L3MBTL3: variants seen among roughly 807,000 people sequenced by gnomAD.
L3MBTL3 encodes the protein lethal(3)malignant brain tumor-like protein 3.
In L3MBTL3, 27 loss-of-function variants were observed where a neutral mutation model predicts 102.3. The ratio of observed to expected loss-of-function variants is 0.26; its 90% CI spans 0.19 to 0.36. The LOEUF (loss-of-function observed/expected upper bound fraction) is 0.36, where lower values mean the gene tolerates loss of function less well. L3MBTL3 is among the 10% of genes least tolerant of loss of function. The pLI is 1.00. For missense variants in L3MBTL3, 798 were observed against 955.3 expected (o/e 0.84, Z 2.17); for synonymous variants, 340 against 320.9 (o/e 1.06, Z -0.64).
chr6:130,102,589 T>C (rs1387479397), intron 18 of L3MBTL3, among the ~76,000 whole-genome samples: 1 of 152,194 alleles, frequency 6.6e-6, no homozygotes, highest in Non-Finnish European at 1.5e-5. Flanking sequence ...CTACATGATA[T>C]TTGCCTGCCT....
chr6:130,094,606 A>G (rs1784250749), intron 18 of L3MBTL3, among the ~76,000 whole-genome samples: 1 of 152,150 alleles, frequency 6.6e-6, no homozygotes, highest in Admixed American at 6.6e-5. Flanking sequence ...TTTCTTGGCA[A>G]CCTGACTAGA....
At chr6:130,107,671 G>A (rs1405126061) in intron 19 of L3MBTL3, among the ~76,000 whole-genome samples, 1 of 152,172 alleles carries the variant, frequency 6.6e-6, no homozygotes, top group Non-Finnish European at 1.5e-5. Context: ...TTCCTCAAAT[G>A]TTATCTTCCT....
intron 8 of L3MBTL3, among the ~76,000 whole-genome samples, chr6:130,057,071 C>T (rs1358706021): frequency 6.6e-6 from 1 of 152,136 alleles, no homozygotes; most frequent in Non-Finnish European, 1.5e-5. Flanking sequence ...ACTTCTTGAT[C>T]TCTTAGAGAA....
At chr6:130,031,571 G>A (rs938346536) in intron 2 of L3MBTL3, among the ~76,000 whole-genome samples, 3 of 152,302 alleles carry the variant, frequency 2.0e-5, no homozygotes, top group Admixed American at 6.5e-5. Flanking sequence ...AAATGGTCTC[G>A]TAAAAGTTGT....
rs187080638 is a variant in L3MBTL3, at chr6:130,076,964, C to T, written c.1245-1594C>T. ...ACAAGAATGAATGACCATTAAGAGA[C>T]CACAGTATTTTCCTTAATTGCAATT... On this transcript the variant is annotated intron_variant, in intron 13 of 22. Transcript: ENST00000361794. Among the ~76,000 whole-genome samples, 511 of 152,100 alleles carry T rather than the reference C, an allele frequency of 3.4e-3. 3 individuals are homozygous for T. The highest frequency in any genetic ancestry group is 0.011 in the African/African-American group (472 of 41,512).
In L3MBTL3 at chr6:130,051,277, C is replaced by T; in HGVS notation, c.318C>T (p.Phe106=). 1 of 1,613,694 alleles carries T rather than the reference C, an allele frequency of 6.2e-7. No homozygotes were observed. The highest frequency in any genetic ancestry group is 8.5e-7 in the Non-Finnish European group (1 of 1,179,712). ...TTTCAGAGAAGACTGGGATGCCTTT[C>T]AGGTTGAAGGATCCAGTGAAAGTAG... is the stretch of plus-strand genomic sequence containing the variant. The part of the protein sequence containing the change: ...TVFSEKTGMP[F]RLKDPVKVEG... Residue 106 remains phenylalanine, a synonymous_variant, in exon 6 of 23, where the codon TTC becomes TTT. Coordinates refer to ENST00000361794, the MANE Select transcript of L3MBTL3 (RefSeq NM_032438.4).
chr6:130,130,469 CTG>C (rs1273243825), intron 20 of L3MBTL3, among the ~76,000 whole-genome samples: 2 of 152,070 alleles, frequency 1.3e-5, no homozygotes, highest in Admixed American at 6.6e-5. Context: ...TCATATAAAG[CTG>C]TCTTATAAAA....
chr6:130,070,936 G>C (rs745756643), intron 12 of L3MBTL3, 40 bp from the exon 13 acceptor site: 28 of 1,586,628 alleles, frequency 1.8e-5, no homozygotes, highest in African/African-American at 2.7e-5. Context: ...TGGTTGTCAA[G>C]TGTGTGCTTA....
chr6:130,129,551 T>C (rs1786863827), intron 20 of L3MBTL3, among the ~76,000 whole-genome samples: 2 of 152,224 alleles, frequency 1.3e-5, no homozygotes. Context: ...AAATATTTTT[T>C]ACTCACTGTG....
intron 19 of L3MBTL3, among the ~76,000 whole-genome samples, chr6:130,106,380 A>T (rs1294489535): frequency 6.6e-6 from 1 of 152,204 alleles, no homozygotes; most frequent in Admixed American, 6.5e-5. Flanking sequence ...GGTTTCAATG[A>T]AAGCCTTTAC....
At chr6:130,079,407 A>C (rs1439349822) in intron 14 of L3MBTL3, among the ~76,000 whole-genome samples, 1 of 152,156 alleles carries the variant, frequency 6.6e-6, no homozygotes, top group African/African-American at 2.4e-5. Context: ...ACTGCTGATA[A>C]ATAGTGTCCT....
intron 2 of L3MBTL3, among the ~76,000 whole-genome samples, chr6:130,033,740 C>T (rs532725126): frequency 6.6e-6 from 1 of 152,286 alleles, no homozygotes; most frequent in East Asian, 1.9e-4. Flanking sequence ...TATTTCTATA[C>T]CTTATTTTTG....
intron 19 of L3MBTL3, among the ~76,000 whole-genome samples, chr6:130,108,239 T>G (rs865962835): frequency 0.08 from 11,131 of 138,608 alleles, 753 homozygotes; most frequent in African/African-American, 0.16. Flanking sequence ...TTGTTTTTTT[T>G]TTTTTTTTTT....
At chr6:130,044,858 A>G (rs1196875067) in intron 3 of L3MBTL3, among the ~76,000 whole-genome samples, 7 of 152,202 alleles carry the variant, frequency 4.6e-5, no homozygotes, top group African/African-American at 1.7e-4. Context: ...AAATTAGGAT[A>G]TTAGAAAGAA....
At chr6:130,068,936 C>G (rs1361831453) in intron 12 of L3MBTL3, among the ~76,000 whole-genome samples, 1 of 152,142 alleles carries the variant, frequency 6.6e-6, no homozygotes, top group East Asian at 1.9e-4. Context: ...CTCCATTGGC[C>G]GACTTGATCC....
rs754199341 is a variant in L3MBTL3 at position 130,092,789 on chromosome 6, T to G, written c.1563T>G (p.Asp521Glu). 1 of 1,613,470 alleles carries G rather than the reference T, an allele frequency of 6.2e-7. No individual in the cohort carries two copies. Among genetic ancestry groups the G allele is most frequent in the South Asian group, 1.1e-5 (1 of 91,054 alleles). Residue 521 changes from aspartate to glutamate, a missense_variant, in exon 17 of 23, where the codon GAT (aspartate) becomes GAG (glutamate). Asp to Glu is a conservative substitution (Grantham distance 45). Around this residue, in one of 4 missense-constraint regions of L3MBTL3, gnomAD observed 306 missense variants for 314.4 expected, o/e 0.97. Coordinates refer to ENST00000361794, the MANE Select transcript of L3MBTL3 (RefSeq NM_032438.4). ...GWNNCYDYWI[D>E]ADSPDIHPVG... ...ACAATTGCTATGATTACTGGATAGA[T>G]GCAGATTCTCCTGATATTCACCCTG... is the stretch of plus-strand genomic sequence containing the variant.
chr6:130,088,167 A>T (rs1783809668), intron 16 of L3MBTL3, among the ~76,000 whole-genome samples: 1 of 152,172 alleles, frequency 6.6e-6, no homozygotes, highest in African/African-American at 2.4e-5. Flanking sequence ...CACCCCAGAA[A>T]TACTGGCTGT....
intron 20 of L3MBTL3, among the ~76,000 whole-genome samples, chr6:130,123,636 C>T (rs544882227): frequency 4.0e-4 from 61 of 152,162 alleles, no homozygotes; most frequent in African/African-American, 1.3e-3. Flanking sequence ...AAATATGTTA[C>T]GATTCTAGGC....
chr6:130,120,835 A>T (rs760908221), intron 19 of L3MBTL3, 44 bp from the exon 20 acceptor site: 12 of 1,462,382 alleles, frequency 8.2e-6, no homozygotes, highest in South Asian at 2.3e-5. Context: ...CCATTTTTTT[A>T]AAATGTTTCT....
Sources: allele counts gnomAD v4.1 joint callset (sites outside exome capture counted in the v4.1 genomes callset), GRCh38; gene constraint gnomAD v4.1.1; regional missense constraint gnomAD v4.1.1; transcripts MANE v1.5; gene names NCBI Gene and HGNC (gene_info 2026-07-23, HGNC 2026-07-21).